Variants in CGNL1 observed in about 807,000 individuals in gnomAD.
The protein encoded by CGNL1 is cingulin-like protein 1.
Under a neutral mutation model 141.2 loss-of-function variants are expected in CGNL1, and 132 were observed. The observed-to-expected ratio is 0.93, with a 90% CI of 0.81 to 1.08. The LOEUF is 1.08. Among genes scored for constraint, CGNL1 ranks in the 50% least tolerant of loss-of-function variants. CGNL1 has a pLI of 0.00. For synonymous variants in CGNL1, 690 were observed against 622.1 expected (o/e 1.11, Z -1.63); for missense variants, 1,870 against 1,588.6 (o/e 1.18, Z -3.01).
Position 57,439,395 on chromosome 15 carries a change from A to G in CGNL1, c.1396A>G (p.Ile466Val), listed in dbSNP as rs140115768. 3.5e-4 allele frequency: 567 copies of G among 1,614,212 alleles called. 4 individuals carry two copies. In the African/African-American group the frequency reaches 6.2e-3, roughly 18 times the overall value. The change falls in exon 2 of 19, where the codon ATA (isoleucine) becomes GTA (valine). Residue 466 changes from isoleucine (I) to valine (V), a missense_variant. Ile to Val is a conservative substitution (Grantham distance 29, BLOSUM62 3). Coordinates refer to ENST00000281282, the MANE Select transcript of CGNL1 (RefSeq NM_032866.5). ...CCACTCCAGGCCTCCCCAGCCGAAC[A>G]TAGATGGGAAAGTTCTGGAAACCGA... Reference protein sequence around the residue: ...CAHSRPPQPNIDGKVLETEGS... With the variant: ...CAHSRPPQPNVDGKVLETEGS...
At chr15:57,398,676 C>T (rs1253082866) in intron 1 of CGNL1, among the ~76,000 whole-genome samples, 2 of 152,208 alleles carry the variant, frequency 1.3e-5, no homozygotes, top group East Asian at 3.9e-4. Context: ...AGGCTGGCGT[C>T]ATGGTGTAAA....
intron 8 of CGNL1, among the ~76,000 whole-genome samples, chr15:57,498,254 T>TTTTG (rs1388064574): frequency 6.8e-6 from 1 of 147,234 alleles, no homozygotes; most frequent in East Asian, 2.1e-4. Flanking sequence ...AGTTTTTTTT[T>TTTTG]TTTTTTTTTT....
At position 57,528,796 on chromosome 15, in the gene CGNL1, G is replaced by A. The variant is rs1353006289; in HGVS notation, c.3182G>A (p.Arg1061Lys). The A allele has an allele frequency of 6.2e-7, 1 of 1,613,996 alleles. No homozygotes were observed. The highest frequency in any genetic ancestry group is 8.5e-7 in the Non-Finnish European group (1 of 1,180,012). Residue 1061 changes from arginine to lysine, a missense_variant, in exon 13 of 19, where the codon AGG becomes AAG. Arg to Lys is a conservative substitution (Grantham distance 26). Transcript: ENST00000281282. The stretch of plus-strand genomic sequence containing the variant: ...AGTCACCTCAAAGATGACCGCAGCA[G>A]GCTGGTCAAGCAGATGGAGGTCTGT... ...AKSHLKDDRSRLVKQMEDKVS... is the reference protein window; with the variant it reads ...AKSHLKDDRSKLVKQMEDKVS...
intron 1 of CGNL1, among the ~76,000 whole-genome samples, chr15:57,410,040 T>A (rs537456372): frequency 2.6e-5 from 4 of 152,076 alleles, no homozygotes; most frequent in African/African-American, 9.7e-5. Flanking sequence ...TCAGCTGAGA[T>A]GGTTTGGGGT....
chr15:57,385,500 A>C (rs1253076729), intron 1 of CGNL1, among the ~76,000 whole-genome samples: 1 of 152,200 alleles, frequency 6.6e-6, no homozygotes, highest in Admixed American at 6.5e-5. Context: ...GACAGAGAAA[A>C]ATAAAGTAGT....
chr15:57,422,710 A>T (rs1394414854), intron 1 of CGNL1, among the ~76,000 whole-genome samples: 1 of 152,202 alleles, frequency 6.6e-6, no homozygotes, highest in Non-Finnish European at 1.5e-5. Flanking sequence ...CCCAGGTTGC[A>T]TGTTGTGAGA....
chr15:57,515,679 C>G (rs2030715741), intron 8 of CGNL1, among the ~76,000 whole-genome samples: 1 of 152,186 alleles, frequency 6.6e-6, no homozygotes, highest in South Asian at 2.1e-4. Flanking sequence ...TACAAAGCCC[C>G]TGTGACCTCT....
rs528965085 is a variant in CGNL1, at chr15:57,545,530, A to G, written c.3501-62A>G. 20 of 1,474,562 alleles carry G rather than the reference A, an allele frequency of 1.4e-5. No individual in the cohort carries two copies. The South Asian group carries it at 2.3e-4, about 17-fold the overall frequency. The allele number at this position is 1,474,562 out of a possible 1,614,324, so 91.3% of individuals were successfully genotyped here. A position where few individuals can be genotyped will look rare whatever the true frequency, so the allele number is the denominator to read the frequency against. ...TGGAGCTTCCCCTCCTCCACAGCCT[A>G]GGCTGGGCCCCCTGCAGGGATGGGA... On this transcript the variant is annotated intron_variant, in intron 16 of 18. Coordinates refer to ENST00000281282, the MANE Select transcript of CGNL1 (RefSeq NM_032866.5).
chr15:57,532,087 G>C (rs1567173791), intron 14 of CGNL1, among the ~76,000 whole-genome samples: 1 of 152,202 alleles, frequency 6.6e-6, no homozygotes, highest in Non-Finnish European at 1.5e-5. Flanking sequence ...AGTCAAGAAA[G>C]AGTGAAGGGC....
chr15:57,388,674 G>T (rs1160976482), intron 1 of CGNL1, among the ~76,000 whole-genome samples: 1 of 152,230 alleles, frequency 6.6e-6, no homozygotes, highest in Non-Finnish European at 1.5e-5. Context: ...GCAGTCCATG[G>T]GACAGGGTGA....
intron 7 of CGNL1, among the ~76,000 whole-genome samples, chr15:57,455,061 G>T (rs917933121): frequency 1.3e-5 from 2 of 151,950 alleles, no homozygotes; most frequent in Non-Finnish European, 2.9e-5. Flanking sequence ...TTTGATACCT[G>T]CTTTTAAAAG....
rs567328563 is a variant in CGNL1 at position 57,472,052 on chromosome 15, G to A, written c.2403+10160G>A. Among the ~76,000 whole-genome samples, 68 of 152,084 alleles carry A rather than the reference G, an allele frequency of 4.5e-4. No individual in the cohort carries two copies. The South Asian group carries it at 0.014, about 31-fold the overall frequency. ...CAGGAGTTTGAGTCCAGTTGGGTAAGAGAGCAAGACCCCCATCTCAGAAAA... is the reference window on the plus strand; with the variant it reads ...CAGGAGTTTGAGTCCAGTTGGGTAAAAGAGCAAGACCCCCATCTCAGAAAA... On this transcript the variant is annotated intron_variant, in intron 8 of 18. Transcript: ENST00000281282.
intron 1 of CGNL1, among the ~76,000 whole-genome samples, chr15:57,386,337 G>T (rs1429173621): frequency 6.6e-6 from 1 of 152,176 alleles, no homozygotes; most frequent in African/African-American, 2.4e-5. Flanking sequence ...TCGTCATGTT[G>T]CTCTGACTCT....
chr15:57,419,404 G>A (rs2062888391), intron 1 of CGNL1, among the ~76,000 whole-genome samples: 1 of 152,122 alleles, frequency 6.6e-6, no homozygotes, highest in Non-Finnish European at 1.5e-5. Flanking sequence ...ATTAGCTAGA[G>A]TCCACACTTT....
At chr15:57,525,136 T>C (rs1310456840) in intron 12 of CGNL1, among the ~76,000 whole-genome samples, 1 of 152,220 alleles carries the variant, frequency 6.6e-6, no homozygotes, top group Non-Finnish European at 1.5e-5. Context: ...TTTTTGGCCA[T>C]TGATTTTTGA....
intron 8 of CGNL1, among the ~76,000 whole-genome samples, chr15:57,508,241 A>G (rs1382481181): frequency 7.2e-6 from 1 of 139,828 alleles, no homozygotes; most frequent in African/African-American, 2.7e-5. Flanking sequence ...TGTATAACCA[A>G]CTGAGTTCTG....
intron 8 of CGNL1, among the ~76,000 whole-genome samples, chr15:57,477,172 A>G (rs768532310): frequency 1.3e-5 from 2 of 152,186 alleles, no homozygotes; most frequent in Admixed American, 6.5e-5. Context: ...TTTTGAAATA[A>G]GGCTGGGGAC....
intron 8 of CGNL1, 38 bp from the exon 9 acceptor site, chr15:57,516,742 A>T (rs750770193): frequency 3.8e-6 from 6 of 1,598,510 alleles, no homozygotes; most frequent in Non-Finnish European, 5.1e-6. Flanking sequence ...GCTCCTTGAC[A>T]TCAGTCTCCT....
Position 57,523,559 on chromosome 15 carries a change from A to AG in CGNL1, c.2788dup (p.Glu930GlyfsTer13), listed in dbSNP as rs1451103011. On this transcript the variant is annotated frameshift_variant, in exon 11 of 19. Transcript: ENST00000281282. LOFTEE classifies it high-confidence loss of function. Reference sequence around the variant, plus strand: ...AAGCTCAAAGAGGAGAGTGAGCAGAAGGAGCAGCTAAGAAGGTTGAAGAAC... The same window carrying AG: ...AAGCTCAAAGAGGAGAGTGAGCAGAAGGGAGCAGCTAAGAAGGTTGAAGAAC... 1 of 1,614,106 alleles carries AG rather than the reference A, an allele frequency of 6.2e-7. No homozygotes were observed. Among genetic ancestry groups the AG allele is most frequent in the Non-Finnish European group, 8.5e-7 (1 of 1,180,036 alleles).
Sources: allele counts gnomAD v4.1 joint callset (sites outside exome capture counted in the v4.1 genomes callset), GRCh38; gene constraint gnomAD v4.1.1; transcripts MANE v1.5; gene names NCBI Gene and HGNC (gene_info 2026-07-23, HGNC 2026-07-21).